Variants in WDR76 observed in about 807,000 individuals in gnomAD.
The protein encoded by WDR76 is WD repeat-containing protein 76.
Under a neutral mutation model 70.2 loss-of-function variants are expected in WDR76, and 52 were observed. The observed-to-expected ratio is 0.74, with a 90% CI of 0.59 to 0.93. WDR76 has a LOEUF of 0.93. WDR76 is among the 40% of genes least tolerant of loss of function. WDR76 has a pLI of 0.00. For synonymous variants in WDR76, 292 were observed against 271.1 expected, an observed-to-expected ratio of 1.08 and a Z score of -0.76; for missense variants, 756 against 760.2, an observed-to-expected ratio of 0.99 and a Z score of 0.07.
At chr15:43,847,814 C>T (rs1427042540) in intron 8 of WDR76, among the ~76,000 whole-genome samples, 1 of 152,212 alleles carries the variant, frequency 6.6e-6, no homozygotes, top group Non-Finnish European at 1.5e-5. Flanking sequence ...CTGCTTCGGC[C>T]TCCCAGAGCT....
chr15:43,866,025 C>T, intron 12 of WDR76, 103 bp from the exon 13 acceptor site: 4 of 1,381,734 alleles, frequency 2.9e-6, no homozygotes. Flanking sequence ...AGAAACTTGG[C>T]AGAGAAAACT....
intron 12 of WDR76, 118 bp from the exon 13 acceptor site, chr15:43,866,010 T>G (rs867533818): frequency 7.9e-7 from 1 of 1,258,982 alleles, no homozygotes. Flanking sequence ...AGTAACTTAA[T>G]GAGAAGAAAC....
intron 5 of WDR76, among the ~76,000 whole-genome samples, chr15:43,841,093 T>G (rs2087718596): frequency 6.6e-6 from 1 of 151,708 alleles, no homozygotes; most frequent in African/African-American, 2.4e-5. Flanking sequence ...CAATCTCAGT[T>G]CACTGCAACC....
chr15:43,827,321 A>G (rs1259767986), intron 1 of WDR76, among the ~76,000 whole-genome samples: 1 of 152,200 alleles, frequency 6.6e-6, no homozygotes, highest in Non-Finnish European at 1.5e-5. Context: ...TTCTTCTGCC[A>G]CAGTTATGAT....
chr15:43,850,750 T>C (rs1406682032), intron 8 of WDR76, among the ~76,000 whole-genome samples: 1 of 152,192 alleles, frequency 6.6e-6, no homozygotes, highest in East Asian at 1.9e-4. Flanking sequence ...CTGATACTGT[T>C]TTAGTTAGCA....
Position 43,866,166 on chromosome 15 carries a change from A to G in WDR76, c.1655A>G (p.Gln552Arg), listed in dbSNP as rs542876047. 69 of 1,614,224 alleles carry G rather than the reference A, an allele frequency of 4.3e-5. 3 individuals are homozygous for G. In the South Asian group the frequency reaches 7.4e-4, roughly 17 times the overall value. The change falls in exon 13 of 13, where the codon CAA (glutamine) becomes CGA (arginine). Residue 552 changes from glutamine (Q) to arginine (R), a missense_variant. Transcript: ENST00000263795. ...ACTGGGCGATGGCTGACCAGGTTCC[A>G]AGCCATGTGGGATCCTAAACAAGAA... ...TFTGRWLTRF[Q>R]AMWDPKQEDC... is the part of the protein sequence containing the mutation.
At chr15:43,853,739 C>G (rs1411488315) in intron 9 of WDR76, among the ~76,000 whole-genome samples, 1 of 151,794 alleles carries the variant, frequency 6.6e-6, no homozygotes, top group Admixed American at 6.6e-5. Context: ...AACCCCATCT[C>G]TACTAAAAAT....
intron 5 of WDR76, among the ~76,000 whole-genome samples, chr15:43,840,628 T>TA (rs1393305035): frequency 6.6e-6 from 1 of 152,116 alleles, no homozygotes; most frequent in African/African-American, 2.4e-5. Flanking sequence ...ATCTAGGTGT[T>TA]ATGGGAAGCA....
intron 2 of WDR76, among the ~76,000 whole-genome samples, chr15:43,832,428 CTTTGTTTTTTT>C (rs1483692424): frequency 3.8e-5 from 2 of 52,806 alleles, no homozygotes; most frequent in African/African-American, 4.9e-5. Flanking sequence ...CTGGGTTCAT[CTTTGTTTTTTT>C]TTTGTTTTTT....
intron 8 of WDR76, among the ~76,000 whole-genome samples, chr15:43,850,108 G>A (rs902098103): frequency 6.6e-6 from 1 of 151,910 alleles, no homozygotes; most frequent in Non-Finnish European, 1.5e-5. Flanking sequence ...AGATTTAGAG[G>A]TGATTCTTTG....
Position 43,866,212 on chromosome 15 carries a change from C to A in WDR76, c.1701C>A (p.Ser567Arg). 1.2e-6 allele frequency: 2 copies of A among 1,614,218 alleles called. No homozygotes were observed. Among genetic ancestry groups the A allele is most frequent in the Non-Finnish European group, 1.7e-6 (2 of 1,180,038 alleles). Residue 567 changes from serine (S) to arginine (R), a missense_variant, in exon 13 of 13, where the codon AGC (serine) becomes AGA (arginine). Coordinates refer to ENST00000263795, the MANE Select transcript of WDR76 (RefSeq NM_024908.4). ...AAGAAGACTGTGTCATAGTTGGCAG[C>A]ATGGCCCATCCACGACGGGTAGAAA... is the stretch of plus-strand genomic sequence containing the variant. Reference protein sequence around the residue: ...PKQEDCVIVGSMAHPRRVEIF... With the variant: ...PKQEDCVIVGRMAHPRRVEIF...
At chr15:43,830,314 G>T (rs1363910251) in intron 2 of WDR76, among the ~76,000 whole-genome samples, 1 of 151,970 alleles carries the variant, frequency 6.6e-6, no homozygotes, top group African/African-American at 2.4e-5. Context: ...TGTAATCCCA[G>T]CACCTTGGGA....
intron 5 of WDR76, among the ~76,000 whole-genome samples, chr15:43,842,082 G>A (rs1384006299): frequency 6.6e-6 from 1 of 152,094 alleles, no homozygotes; most frequent in African/African-American, 2.4e-5. Flanking sequence ...TGGCCAGGCT[G>A]GTCTCGAACT....
intron 2 of WDR76, among the ~76,000 whole-genome samples, chr15:43,829,752 C>T (rs532519195): frequency 5.3e-5 from 8 of 151,848 alleles, no homozygotes; most frequent in Admixed American, 6.6e-5. Context: ...ATGATCCGCC[C>T]GCCTCGGCCT....
chr15:43,834,190 T>TA (rs2087626866), intron 2 of WDR76, among the ~76,000 whole-genome samples: 1 of 152,164 alleles, frequency 6.6e-6, no homozygotes. Flanking sequence ...CTCAGGGTTT[T>TA]AAAAAATTAG....
chr15:43,844,625 AAG>A (rs2087764578), intron 8 of WDR76, among the ~76,000 whole-genome samples: 1 of 150,818 alleles, frequency 6.6e-6, no homozygotes. Flanking sequence ...AAAAAAAAAA[AAG>A]GGCTGGGAGC....
In WDR76 at chr15:43,842,395, C is replaced by T. The variant is rs1567185709; in HGVS notation, c.733-20C>T. ...CTAGGGCAGGGAGCCCAACAAATAACTTTTTATTTTTTATAACAGCCTTTG... is the reference window on the plus strand; with the variant it reads ...CTAGGGCAGGGAGCCCAACAAATAATTTTTTATTTTTTATAACAGCCTTTG... On this transcript the variant is annotated intron_variant, in intron 5 of 12. Coordinates refer to ENST00000263795, the MANE Select transcript of WDR76 (RefSeq NM_024908.4). 7.5e-6 allele frequency: 12 copies of T among 1,608,570 alleles called. No homozygotes were observed. The highest frequency in any genetic ancestry group is 1.7e-5 in the Admixed American group (1 of 59,214).
chr15:43,847,003 C>G (rs375155863), intron 8 of WDR76, among the ~76,000 whole-genome samples: 13 of 66,524 alleles, frequency 2.0e-4, no homozygotes, highest in African/African-American at 7.6e-4. Flanking sequence ...GCCTGGGAAA[C>G]AAGAGCAAAA....
intron 9 of WDR76, among the ~76,000 whole-genome samples, chr15:43,856,488 C>T (rs893061957): frequency 2.6e-5 from 4 of 151,366 alleles, no homozygotes; most frequent in African/African-American, 9.7e-5. Context: ...AGATCTGGAA[C>T]TGAGGTTTAT....
Sources: gnomAD v4.1 joint callset for allele counts (sites outside exome capture counted in the v4.1 genomes callset) on GRCh38, gnomAD v4.1.1 for gene constraint, MANE v1.5 for transcripts, NCBI Gene and HGNC (gene_info 2026-07-23, HGNC 2026-07-21) for gene names.